Variants in RNF150 observed in about 807,000 individuals in gnomAD.
RNF150 encodes ring finger protein 150.
A neutral mutation model predicts 39.3 loss-of-function variants in RNF150; 24 were observed. The ratio of observed to expected loss-of-function variants is 0.61; its 90% CI spans 0.44 to 0.86. RNF150 has a LOEUF of 0.86. RNF150 is among the 40% of genes least tolerant of loss of function. RNF150 has a pLI of 0.00. For missense variants in RNF150, 502 were observed against 587.8 expected (o/e 0.85, Z 1.51); for synonymous variants, 255 against 227.3 (o/e 1.12, Z -1.10).
chr4:141,176,173 C>T (rs578212010), intron 1 of RNF150, among the ~76,000 whole-genome samples: 1 of 152,048 alleles, frequency 6.6e-6, no homozygotes, highest in East Asian at 1.9e-4. Flanking sequence ...GCTGGGATTA[C>T]AGGCATGAGC....
At chr4:140,976,669 A>C (rs1579020854) in intron 1 of RNF150, among the ~76,000 whole-genome samples, 2 of 150,194 alleles carry the variant, frequency 1.3e-5, no homozygotes, top group African/African-American at 2.5e-5. Flanking sequence ...CTATCCATCA[A>C]CCCTCTCCTG....
intron 1 of RNF150, among the ~76,000 whole-genome samples, chr4:140,977,834 G>A (rs1053467193): frequency 1.3e-5 from 2 of 152,008 alleles, no homozygotes; most frequent in African/African-American, 2.4e-5. Context: ...TTGCACATAC[G>A]ATTCCAAAGT....
At chr4:141,210,124 A>T (rs1728438934) in intron 1 of RNF150, among the ~76,000 whole-genome samples, 1 of 152,172 alleles carries the variant, frequency 6.6e-6, no homozygotes, top group Non-Finnish European at 1.5e-5. Flanking sequence ...TCACATTTGT[A>T]GGTTTTTTGT....
chr4:140,989,082 G>A (rs1232464834), intron 1 of RNF150, among the ~76,000 whole-genome samples: 1 of 152,114 alleles, frequency 6.6e-6, no homozygotes, highest in Non-Finnish European at 1.5e-5. Context: ...ACAAACTGTA[G>A]CAGTTTAGCT....
chr4:140,976,593 T>C (rs1425818339), intron 1 of RNF150, among the ~76,000 whole-genome samples: 1 of 151,958 alleles, frequency 6.6e-6, no homozygotes, highest in African/African-American at 2.4e-5. Flanking sequence ...CATTTTCCAG[T>C]GCCACTTCCT....
At chr4:141,044,783 G>GCACA (rs1553940772) in intron 1 of RNF150, among the ~76,000 whole-genome samples, 10 of 148,772 alleles carry the variant, frequency 6.7e-5, no homozygotes, top group African/African-American at 2.2e-4. Context: ...ACACACACAC[G>GCACA]CACACACACA....
At chr4:140,959,832 GAT>G (rs1376043185) in intron 2 of RNF150, among the ~76,000 whole-genome samples, 1 of 152,050 alleles carries the variant, frequency 6.6e-6, no homozygotes, top group Non-Finnish European at 1.5e-5. Context: ...AACATAAAAT[GAT>G]ATGATTGCGG....
chr4:140,939,165 T>G (rs1337742928), intron 4 of RNF150, among the ~76,000 whole-genome samples: 1 of 152,180 alleles, frequency 6.6e-6, no homozygotes, highest in Non-Finnish European at 1.5e-5. Flanking sequence ...TTGCCACAAT[T>G]TATACAAACA....
At chr4:141,201,788 C>A (rs1728296505) in intron 1 of RNF150, among the ~76,000 whole-genome samples, 1 of 152,078 alleles carries the variant, frequency 6.6e-6, no homozygotes, top group Non-Finnish European at 1.5e-5. Context: ...TGGAAAATGG[C>A]TACCAACAAA....
chr4:141,049,861 A>G (rs889982297), intron 1 of RNF150, among the ~76,000 whole-genome samples: 1 of 152,162 alleles, frequency 6.6e-6, no homozygotes, highest in African/African-American at 2.4e-5. Flanking sequence ...GTAACTGAAT[A>G]GCATGCCACC....
intron 1 of RNF150, among the ~76,000 whole-genome samples, chr4:141,082,073 T>C (rs570551374): frequency 1.3e-5 from 2 of 152,354 alleles, no homozygotes; most frequent in African/African-American, 4.8e-5. Flanking sequence ...TTTACGTTAA[T>C]TGCACAGTCA....
intron 1 of RNF150, among the ~76,000 whole-genome samples, chr4:141,017,562 A>C (rs140839395): frequency 1.3e-5 from 2 of 152,294 alleles, no homozygotes; most frequent in East Asian, 3.9e-4. Flanking sequence ...TACATTTTAC[A>C]GGCTTTGACA....
chr4:141,008,152 G>C (rs1734940900), intron 1 of RNF150, among the ~76,000 whole-genome samples: 1 of 152,088 alleles, frequency 6.6e-6, no homozygotes, highest in Admixed American at 6.5e-5. Context: ...CTCAGATTCT[G>C]GATTAGTTCA....
At chr4:140,873,577 G>A (rs1012383552) in intron 6 of RNF150, among the ~76,000 whole-genome samples, 2 of 152,178 alleles carry the variant, frequency 1.3e-5, no homozygotes, top group African/African-American at 4.8e-5. Flanking sequence ...ATTGGCTGGG[G>A]TGGACTTAAA....
intron 4 of RNF150, among the ~76,000 whole-genome samples, chr4:140,927,975 C>G (rs527395085): frequency 6.6e-6 from 1 of 152,032 alleles, no homozygotes; most frequent in South Asian, 2.1e-4. Context: ...ATAAATTACC[C>G]AGTCTCAGGT....
chr4:141,111,716 T>C (rs13435113), intron 1 of RNF150, among the ~76,000 whole-genome samples: 5,836 of 152,316 alleles, frequency 0.038, 380 homozygotes, highest in African/African-American at 0.13. Context: ...AGCAGTTTAA[T>C]GAGTAAGTAA....
chr4:141,126,308 C>T (rs963416781), intron 1 of RNF150, among the ~76,000 whole-genome samples: 1 of 152,184 alleles, frequency 6.6e-6, no homozygotes, highest in African/African-American at 2.4e-5. Context: ...AAAGCTGTCA[C>T]CCACTGGAAG....
At chr4:141,208,292 C>T (rs1276692545) in intron 1 of RNF150, among the ~76,000 whole-genome samples, 1 of 152,150 alleles carries the variant, frequency 6.6e-6, no homozygotes, top group Admixed American at 6.5e-5. Flanking sequence ...AATATGGCCC[C>T]GAGGGGCTAG....
chr4:140,969,685 A>C lies in RNF150; in HGVS notation c.485-1812T>G, dbSNP rs1219500000. ...TGTTTACTTAAAGCTCTAGAAGTAC[A>C]TTTTTTTTTTTGGGACAGGATCTTG... is the stretch of plus-strand genomic sequence containing the variant. On this transcript the variant is annotated intron_variant, in intron 1 of 6. Transcript: ENST00000515673. 8.8e-5 allele frequency among the ~76,000 whole-genome samples: 10 copies of C among 114,190 alleles called. No homozygotes were observed. In the South Asian group the frequency reaches 2.3e-3, roughly 27 times the overall value. The allele number at this position is 114,190 out of a possible 152,430, so 74.9% of individuals were successfully genotyped here.
Sources: gnomAD v4.1 joint callset for allele counts (sites outside exome capture counted in the v4.1 genomes callset) on GRCh38, gnomAD v4.1.1 for gene constraint, MANE v1.5 for transcripts, NCBI Gene and HGNC (gene_info 2026-07-23, HGNC 2026-07-21) for gene names.